Variants in TNNI3K observed in about 807,000 individuals in gnomAD.
The protein encoded by TNNI3K is TNNI3 interacting kinase.
A neutral mutation model predicts 114.5 loss-of-function variants in TNNI3K; 140 were observed. The observed-to-expected ratio is 1.22, with a 90% CI of 1.07 to 1.41. TNNI3K has a LOEUF of 1.41. Ranked by LOEUF, TNNI3K falls within the 40% of genes most tolerant of loss-of-function variation. TNNI3K has a pLI of 0.00. For synonymous variants in TNNI3K, 347 were observed against 347.5 expected (o/e 1.00, Z 0.02); for missense variants, 1,125 against 1,007.6 (o/e 1.12, Z -1.58).
rs566834765 is a variant in TNNI3K, at chr1:74,528,325, C to T, written c.2352-11909C>T. ...GAGGGCATGGCATAGGGACATAGTACAGTGCTGAGTGCTGGATCCCCAGGT... is the reference window on the plus strand; with the variant it reads ...GAGGGCATGGCATAGGGACATAGTATAGTGCTGAGTGCTGGATCCCCAGGT... On this transcript the variant is annotated intron_variant, in intron 23 of 24. Transcript: ENST00000326637. 3.3e-5 allele frequency among the ~76,000 whole-genome samples: 5 copies of T among 152,208 alleles called. No individual in the cohort carries two copies. In the East Asian group the frequency reaches 5.8e-4, roughly 18 times the overall value.
chr1:74,334,368 G>A (rs538402118), intron 6 of TNNI3K, among the ~76,000 whole-genome samples: 1 of 152,266 alleles, frequency 6.6e-6, no homozygotes, highest in Non-Finnish European at 1.5e-5. Flanking sequence ...CTCATGGGAA[G>A]TAAAAATAGT....
intron 5 of TNNI3K, among the ~76,000 whole-genome samples, chr1:74,298,436 G>A (rs1406220173): frequency 6.6e-6 from 1 of 152,124 alleles, no homozygotes; most frequent in African/African-American, 2.4e-5. Context: ...TCCGATTTAA[G>A]TATAAATGTT....
intron 21 of TNNI3K, among the ~76,000 whole-genome samples, chr1:74,465,348 A>G (rs1186938023): frequency 1.3e-5 from 2 of 152,188 alleles, no homozygotes; most frequent in African/African-American, 4.8e-5. Flanking sequence ...TGCAGGCCCC[A>G]TACTTGGAGT....
At chr1:74,374,953 A>G (rs1037393150) in intron 17 of TNNI3K, 1 of 151,930 alleles carries the variant, frequency 6.6e-6, no homozygotes, top group African/African-American at 2.4e-5. Flanking sequence ...TTGACACTGA[A>G]GCAGAAACAT....
chr1:74,297,217 C>T (rs1310329811), intron 5 of TNNI3K, among the ~76,000 whole-genome samples: 1 of 152,092 alleles, frequency 6.6e-6, no homozygotes, highest in African/African-American at 2.4e-5. Flanking sequence ...GGTGGAAATT[C>T]TGCGCTGCTC....
chr1:74,496,306 C>A (rs970288804), intron 23 of TNNI3K, among the ~76,000 whole-genome samples: 1 of 152,172 alleles, frequency 6.6e-6, no homozygotes, highest in African/African-American at 2.4e-5. Context: ...TGACTTATTA[C>A]GTGCATCATC....
chr1:74,460,698 G>A (rs1428230365), intron 20 of TNNI3K, among the ~76,000 whole-genome samples: 3 of 152,200 alleles, frequency 2.0e-5, no homozygotes, highest in Non-Finnish European at 2.9e-5. Context: ...ACAATCTCAA[G>A]GTGACAAATT....
chr1:74,462,496 A>G (rs947173603), intron 20 of TNNI3K, among the ~76,000 whole-genome samples: 3 of 152,234 alleles, frequency 2.0e-5, no homozygotes, highest in African/African-American at 7.2e-5. Flanking sequence ...TAAAGAGAGC[A>G]TGGATTTTGA....
intron 20 of TNNI3K, among the ~76,000 whole-genome samples, chr1:74,451,688 TTTC>T (rs1428363388): frequency 0.21 from 6,948 of 32,900 alleles, 290 homozygotes; most frequent in Non-Finnish European, 0.24. Context: ...TTTTCTTTTC[TTTC>T]TTTCTTTCTT....
chr1:74,512,651 C>T (rs1001529852), intron 23 of TNNI3K: 3 of 152,164 alleles, frequency 2.0e-5, no homozygotes, highest in Non-Finnish European at 2.9e-5. Context: ...TATGCATCTC[C>T]ACTCCCACAC....
chr1:74,273,898 C>A (rs1369369832), intron 5 of TNNI3K, among the ~76,000 whole-genome samples: 1 of 151,770 alleles, frequency 6.6e-6, no homozygotes. Context: ...AAAAGGGTAT[C>A]CAAAACTATC....
intron 11 of TNNI3K, 88 bp from the exon 12 acceptor site, chr1:74,367,168 C>A: frequency 7.8e-7 from 1 of 1,283,516 alleles, no homozygotes; most frequent in South Asian, 1.3e-5. Flanking sequence ...ATGTTGTAAG[C>A]TACTTCCAAT....
At chr1:74,390,433 AT>A (rs1663704116) in intron 17 of TNNI3K, among the ~76,000 whole-genome samples, 2 of 152,194 alleles carry the variant, frequency 1.3e-5, no homozygotes, top group African/African-American at 4.8e-5. Context: ...TATTGTCAGT[AT>A]TTAACTCTGA....
chr1:74,411,649 A>C (rs918746807), intron 17 of TNNI3K, among the ~76,000 whole-genome samples: 9 of 152,230 alleles, frequency 5.9e-5, no homozygotes, highest in Admixed American at 1.3e-4. Context: ...AGGGGATAGA[A>C]AAATGAATAA....
rs182154175 is a variant in TNNI3K at position 74,468,739 on chromosome 1, G to T, written c.2121+5189G>T. ...ATATAAAGATGTATAGACCTAGACA[G>T]GTGTAGAGATAGGAGAAGAGGAAGT... On this transcript the variant is annotated intron_variant, in intron 21 of 24. Coordinates refer to ENST00000326637, the MANE Select transcript of TNNI3K (RefSeq NM_015978.3). Among the ~76,000 whole-genome samples, 215 of 152,152 alleles carry T rather than the reference G, an allele frequency of 1.4e-3. 1 individual carries two copies. The highest frequency in any genetic ancestry group is 2.7e-3 in the Non-Finnish European group (185 of 67,960).
chr1:74,380,318 T>C (rs961250812), intron 17 of TNNI3K, among the ~76,000 whole-genome samples: 2 of 152,154 alleles, frequency 1.3e-5, no homozygotes, highest in Admixed American at 6.5e-5. Context: ...ATAAAAATAG[T>C]GCTACTCCAC....
chr1:74,532,575 A>C (rs1570750708), intron 23 of TNNI3K, among the ~76,000 whole-genome samples: 1 of 151,842 alleles, frequency 6.6e-6, no homozygotes, highest in African/African-American at 2.4e-5. Context: ...GCTGCACCCA[A>C]TAACTCGTCA....
intron 17 of TNNI3K, among the ~76,000 whole-genome samples, chr1:74,428,695 G>C (rs533646892): frequency 6.6e-6 from 1 of 152,098 alleles, no homozygotes; most frequent in Non-Finnish European, 1.5e-5. Flanking sequence ...AGTGCTCTGA[G>C]AGGCCAAGGA....
At chr1:74,470,851 G>T (rs1268342601) in intron 21 of TNNI3K, 1 of 400,636 alleles carries the variant, frequency 2.5e-6, no homozygotes, top group African/African-American at 2.1e-5. Context: ...ATTCCTCGGG[G>T]ACAAAGAAAA....
Sources: allele counts gnomAD v4.1 joint callset (sites outside exome capture counted in the v4.1 genomes callset), GRCh38; gene constraint gnomAD v4.1.1; transcripts MANE v1.5; gene names NCBI Gene and HGNC (gene_info 2026-07-23, HGNC 2026-07-21).